The following ZBTB7C variants were observed in gnomAD, a reference collection of about 807,000 sequenced individuals.
The protein encoded by ZBTB7C is zinc finger and BTB domain containing 7C.
In ZBTB7C, 8 loss-of-function variants were observed where a neutral mutation model predicts 25.7. That is an observed-to-expected ratio of 0.31 (90% CI 0.18 to 0.56). The LOEUF is 0.56. Among genes scored for constraint, ZBTB7C ranks in the 20% least tolerant of loss-of-function variants. The probability of loss-of-function intolerance (pLI) is 0.91; values close to 1 mark genes in which losing one functional copy is unlikely to be tolerated. For missense variants in ZBTB7C, 824 were observed against 855.2 expected (o/e 0.96, Z 0.46); for synonymous variants, 394 against 369.0 (o/e 1.07, Z -0.78).
intron 1 of ZBTB7C, among the ~76,000 whole-genome samples, chr18:48,340,362 C>T (rs2046569869): frequency 6.6e-6 from 1 of 152,196 alleles, no homozygotes; most frequent in Admixed American, 6.5e-5. Flanking sequence ...TCAGTGCAGC[C>T]CTAAGTGCCC....
chr18:48,080,635 G>A (rs1047964717), intron 3 of ZBTB7C, among the ~76,000 whole-genome samples: 1 of 152,194 alleles, frequency 6.6e-6, no homozygotes, highest in Non-Finnish European at 1.5e-5. Context: ...CCCTCACATG[G>A]GGTCTATTAT....
At chr18:48,179,934 CTTCCTTCCTTCCTTCCCT>C (rs2041853821) in intron 3 of ZBTB7C, among the ~76,000 whole-genome samples, 1 of 129,500 alleles carries the variant, frequency 7.7e-6, no homozygotes, top group African/African-American at 4.0e-5. Context: ...TCCTTCCCTG[CTTCCTTCCTTCCTTCCCT>C]GCTTCCTTCC....
chr18:48,101,392 A>T (rs1465118623), intron 3 of ZBTB7C, among the ~76,000 whole-genome samples: 2 of 152,242 alleles, frequency 1.3e-5, no homozygotes, highest in Admixed American at 1.3e-4. Context: ...TAAACAACCT[A>T]TATGTTTAAA....
intron 2 of ZBTB7C, among the ~76,000 whole-genome samples, chr18:48,329,302 C>A (rs1350500645): frequency 6.6e-6 from 1 of 152,188 alleles, no homozygotes; most frequent in African/African-American, 2.4e-5. Flanking sequence ...AACTCATCAT[C>A]CTGTTGGATC....
At chr18:48,398,102 C>T (rs9962105) in intron 1 of ZBTB7C, among the ~76,000 whole-genome samples, 4 of 152,048 alleles carry the variant, frequency 2.6e-5, no homozygotes, top group African/African-American at 9.7e-5. Context: ...CTGAAAGGGC[C>T]GGCTGCCGGG....
At chr18:48,384,830 C>T (rs1322568010) in intron 1 of ZBTB7C, among the ~76,000 whole-genome samples, 19 of 151,960 alleles carry the variant, frequency 1.3e-4, no homozygotes, top group Non-Finnish European at 2.9e-5. Context: ...TACAGGCATG[C>T]GCCACCATGC....
At chr18:48,093,417 G>C (rs1437356069) in intron 3 of ZBTB7C, among the ~76,000 whole-genome samples, 1 of 152,176 alleles carries the variant, frequency 6.6e-6, no homozygotes, top group East Asian at 1.9e-4. Context: ...CTCAGGACTG[G>C]CCCAGATCTG....
intron 2 of ZBTB7C, among the ~76,000 whole-genome samples, chr18:48,285,037 G>T (rs1232126785): frequency 1.3e-5 from 2 of 152,192 alleles, no homozygotes; most frequent in African/African-American, 4.8e-5. Context: ...TTTGACACTT[G>T]CTGAGACTTC....
intron 3 of ZBTB7C, among the ~76,000 whole-genome samples, chr18:48,153,842 T>A (rs1001943738): frequency 2.6e-5 from 4 of 152,164 alleles, no homozygotes; most frequent in African/African-American, 7.2e-5. Context: ...ATACACACAC[T>A]CTGTGAAAAT....
chr18:48,302,036 CA>C (rs1568363178), intron 2 of ZBTB7C, among the ~76,000 whole-genome samples: 1 of 151,860 alleles, frequency 6.6e-6, no homozygotes, highest in African/African-American at 2.4e-5. Flanking sequence ...TAGGAAAGCC[CA>C]CACCCAGCCC....
rs542034381 is a variant in ZBTB7C, at chr18:48,296,488, C to G, written c.-79+41686G>C. Among the ~76,000 whole-genome samples, 7 of 152,348 alleles carry G rather than the reference C, an allele frequency of 4.6e-5. No individual in the cohort carries two copies. In the East Asian group the frequency reaches 1.4e-3, roughly 29 times the overall value. On this transcript the variant is annotated intron_variant, in intron 2 of 4. Coordinates refer to ENST00000590800, the MANE Select transcript of ZBTB7C (RefSeq NM_001318841.2). Reference sequence around the variant, plus strand: ...CTCCTTTTGTTTTCCTCTCCCATCTCTATTTGTCTTTTCTGAAGTCTTGGA... The same window carrying G: ...CTCCTTTTGTTTTCCTCTCCCATCTGTATTTGTCTTTTCTGAAGTCTTGGA...
At chr18:48,272,667 G>A (rs2044528272) in intron 2 of ZBTB7C, among the ~76,000 whole-genome samples, 1 of 152,180 alleles carries the variant, frequency 6.6e-6, no homozygotes, top group Admixed American at 6.5e-5. Flanking sequence ...AGACCCAAGA[G>A]AATGAGAACA....
intron 3 of ZBTB7C, among the ~76,000 whole-genome samples, chr18:48,086,748 GCTTAGTA>G (rs2038206020): frequency 6.6e-6 from 1 of 152,168 alleles, no homozygotes; most frequent in African/African-American, 2.4e-5. Flanking sequence ...GGCTGAGCAG[GCTTAGTA>G]CTTATTGTTA....
intron 2 of ZBTB7C, among the ~76,000 whole-genome samples, chr18:48,274,997 T>C (rs527503455): frequency 3.5e-4 from 54 of 152,340 alleles, no homozygotes; most frequent in African/African-American, 1.3e-3. Context: ...TCATAGGGAC[T>C]TACTCTGGGG....
At chr18:48,257,784 C>G (rs1378261740) in intron 2 of ZBTB7C, among the ~76,000 whole-genome samples, 1 of 146,140 alleles carries the variant, frequency 6.8e-6, no homozygotes. Context: ...TATTAACAAG[C>G]TGAAAAAAAA....
At chr18:48,368,086 C>T (rs9955221) in intron 1 of ZBTB7C, among the ~76,000 whole-genome samples, 17,514 of 151,820 alleles carry the variant, frequency 0.12, 1,115 homozygotes, top group East Asian at 0.18. Flanking sequence ...AGGGAGATCC[C>T]AAACTGAATG....
chr18:48,281,289 A>C (rs1283613579), intron 2 of ZBTB7C, among the ~76,000 whole-genome samples: 4 of 152,224 alleles, frequency 2.6e-5, no homozygotes, highest in African/African-American at 9.6e-5. Flanking sequence ...CCCTTCCTTA[A>C]ACCTCATACA....
chr18:48,373,882 G>A (rs571918600), intron 1 of ZBTB7C, among the ~76,000 whole-genome samples: 9 of 151,812 alleles, frequency 5.9e-5, no homozygotes, highest in Non-Finnish European at 1.0e-4. Context: ...AATGGCGTGA[G>A]CCCAGGAAGT....
At chr18:48,409,471 G>C (rs1236303395), upstream of ZBTB7C, 1 of 145,518 alleles carries the variant, frequency 6.9e-6, no homozygotes, top group Non-Finnish European at 1.5e-5. Context: ...CTCCCGCGCC[G>C]CGGCTGTCAG....
Sources: allele counts gnomAD v4.1 joint callset (sites outside exome capture counted in the v4.1 genomes callset), GRCh38; gene constraint gnomAD v4.1.1; transcripts MANE v1.5; gene names NCBI Gene and HGNC (gene_info 2026-07-23, HGNC 2026-07-21).